The following CHST15 variants were observed in gnomAD, a reference collection of about 807,000 sequenced individuals.
CHST15 encodes B cell RAG associated protein (GALNAC4S-6ST).
Under a neutral mutation model 53.6 loss-of-function variants are expected in CHST15, and 30 were observed. The observed-to-expected ratio is 0.56, with a 90% confidence interval of 0.42 to 0.76. The LOEUF is 0.76. Ranked by LOEUF, CHST15 falls within the 30% of genes least tolerant of loss-of-function variation. The pLI, the probability that CHST15 is intolerant of heterozygous loss-of-function variation, is 0.00. For synonymous variants in CHST15, 296 were observed against 289.8 expected, an observed-to-expected ratio of 1.02 and a Z score of -0.22; for missense variants, 627 against 740.5, an observed-to-expected ratio of 0.85 and a Z score of 1.78.
At chr10:124,085,937 C>A (rs1255855482) in intron 1 of CHST15, among the ~76,000 whole-genome samples, 1 of 152,156 alleles carries the variant, frequency 6.6e-6, no homozygotes. Context: ...CAGGTCCAGG[C>A]CCGGCTGGCC....
At chr10:124,083,219 G>A (rs754166661) in intron 1 of CHST15, among the ~76,000 whole-genome samples, 8 of 152,058 alleles carry the variant, frequency 5.3e-5, no homozygotes, top group African/African-American at 1.4e-4. Context: ...GCACTTCTGC[G>A]GCTTCCTAAG....
At chr10:124,039,157 T>C (rs1947640420) in intron 4 of CHST15, among the ~76,000 whole-genome samples, 1 of 152,176 alleles carries the variant, frequency 6.6e-6, no homozygotes, top group African/African-American at 2.4e-5. Context: ...AGTATTCCAA[T>C]ATATGTTCTA....
chr10:124,065,083 G>A (rs1369004434), intron 1 of CHST15, among the ~76,000 whole-genome samples: 1 of 152,164 alleles, frequency 6.6e-6, no homozygotes, highest in Non-Finnish European at 1.5e-5. Flanking sequence ...TTGGGGGCGG[G>A]GGTTAAATTT....
At chr10:124,078,879 G>A (rs1382762838) in intron 1 of CHST15, among the ~76,000 whole-genome samples, 3 of 152,202 alleles carry the variant, frequency 2.0e-5, no homozygotes, top group Non-Finnish European at 2.9e-5. Context: ...CTCCCTGTGG[G>A]AAGCTGAGTG....
chr10:124,059,045 T>G (rs1948474545), intron 1 of CHST15, among the ~76,000 whole-genome samples: 1 of 152,160 alleles, frequency 6.6e-6, no homozygotes, highest in Non-Finnish European at 1.5e-5. Flanking sequence ...GACAGCGAGC[T>G]GGCCTAGGGA....
At chr10:124,029,421 T>A (rs1947133855) in intron 5 of CHST15, among the ~76,000 whole-genome samples, 1 of 152,160 alleles carries the variant, frequency 6.6e-6, no homozygotes, top group Non-Finnish European at 1.5e-5. Context: ...AGGTGCCCTG[T>A]TTGTTGGGGC....
At chr10:124,058,744 T>C (rs1416346345) in intron 1 of CHST15, among the ~76,000 whole-genome samples, 1 of 152,186 alleles carries the variant, frequency 6.6e-6, no homozygotes, top group Non-Finnish European at 1.5e-5. Context: ...CAATAAATAC[T>C]TTTAAATTAA....
At chr10:124,063,346 G>A (rs1422820518) in intron 1 of CHST15, among the ~76,000 whole-genome samples, 1 of 152,044 alleles carries the variant, frequency 6.6e-6, no homozygotes, top group Non-Finnish European at 1.5e-5. Context: ...TCGCACCACT[G>A]CACTCCAGCC....
At chr10:124,048,191 T>C (rs1222178252) in intron 1 of CHST15, among the ~76,000 whole-genome samples, 4 of 152,240 alleles carry the variant, frequency 2.6e-5, no homozygotes, top group Non-Finnish European at 4.4e-5. Flanking sequence ...TTAAATTATT[T>C]GGAGAAAATG....
In CHST15 at chr10:124,046,299, A is replaced by G. The variant is rs1382894613; in HGVS notation, c.-87T>C. 5 of 1,307,744 alleles carry G rather than the reference A, an allele frequency of 3.8e-6. No homozygotes were observed. In the East Asian group the frequency reaches 1.2e-4, roughly 31 times the overall value. The allele number at this position is 1,307,744 out of a possible 1,614,324, so 81.0% of individuals were successfully genotyped here. ...GGATGTCCGCAAGTCGTGCTAGAAAACCTTAAGAATGCCTTGTGATCACAG... is the reference window on the plus strand; with the variant it reads ...GGATGTCCGCAAGTCGTGCTAGAAAGCCTTAAGAATGCCTTGTGATCACAG... On this transcript the variant is annotated 5_prime_UTR_variant, in exon 2 of 8. Transcript: ENST00000435907.
At chr10:124,032,298 T>A (rs900424915) in intron 5 of CHST15, among the ~76,000 whole-genome samples, 1 of 152,160 alleles carries the variant, frequency 6.6e-6, no homozygotes, top group African/African-American at 2.4e-5. Flanking sequence ...AATGGGAAAA[T>A]GAACCATTCC....
chr10:124,074,980 T>C lies in CHST15; in HGVS notation c.-513+18489A>G, dbSNP rs1949026284. ...CTGTTTCAGCACATTCCTCTTTTCA[T>C]GTTTCTGTTTCTCTTTTGTGTATCA... On this transcript the variant is annotated intron_variant, in intron 1 of 7. Coordinates refer to ENST00000435907, the MANE Select transcript of CHST15 (RefSeq NM_001270764.2). The surrounding 1 kb of genome is among the most constrained non-coding windows in gnomAD (Gnocchi z 4.4). 6.6e-6 allele frequency among the ~76,000 whole-genome samples: 1 copy of C among 152,218 alleles called. No individual in the cohort carries two copies. Among genetic ancestry groups the C allele is most frequent in the Admixed American group, 6.5e-5 (1 of 15,284 alleles).
intron 1 of CHST15, among the ~76,000 whole-genome samples, chr10:124,050,769 A>G (rs1948162199): frequency 6.6e-6 from 1 of 152,068 alleles, no homozygotes; most frequent in Non-Finnish European, 1.5e-5. Context: ...CCCCGTAGAG[A>G]GACGCTGTGG....
At chr10:124,013,981 G>T (rs1028041811) in intron 6 of CHST15, among the ~76,000 whole-genome samples, 2 of 152,220 alleles carry the variant, frequency 1.3e-5, no homozygotes, top group Non-Finnish European at 2.9e-5. Context: ...CCACCAGCAT[G>T]GGCTTTCCAA....
chr10:124,071,547 G>C (rs1475592297), intron 1 of CHST15, among the ~76,000 whole-genome samples: 2 of 152,216 alleles, frequency 1.3e-5, no homozygotes, highest in East Asian at 3.8e-4. Flanking sequence ...TTTTCATGTA[G>C]TTCAACTCGA....
intron 1 of CHST15, among the ~76,000 whole-genome samples, chr10:124,062,192 C>T (rs1231124839): frequency 6.6e-6 from 1 of 152,084 alleles, no homozygotes; most frequent in African/African-American, 2.4e-5. Flanking sequence ...AAAGGAACTC[C>T]AGGTCCAAGA....
chr10:124,067,952 T>C (rs1425251840), intron 1 of CHST15, among the ~76,000 whole-genome samples: 1 of 151,930 alleles, frequency 6.6e-6, no homozygotes, highest in East Asian at 1.9e-4. Flanking sequence ...CCAAGGAGAG[T>C]TGGGTTTTCA....
chr10:124,031,150 C>G (rs938470311), intron 5 of CHST15, among the ~76,000 whole-genome samples: 2 of 152,328 alleles, frequency 1.3e-5, no homozygotes, highest in Middle Eastern at 3.4e-3. Context: ...GAAGCCTCAC[C>G]CAGAGATAGC....
At chr10:124,082,251 C>G in intron 1 of CHST15, among the ~76,000 whole-genome samples, 1 of 152,168 alleles carries the variant, frequency 6.6e-6, no homozygotes, top group East Asian at 1.9e-4. Flanking sequence ...AGAAGGCAAC[C>G]TGGGGTTTTA....
Sources: gnomAD v4.1 joint callset for allele counts (sites outside exome capture counted in the v4.1 genomes callset) on GRCh38, gnomAD v4.1.1 for gene constraint, Gnocchi (gnomAD v3.1) non-coding constraint, MANE v1.5 for transcripts, NCBI Gene and HGNC (gene_info 2026-07-23, HGNC 2026-07-21) for gene names.